The following LARGE1 variants were observed in gnomAD, a reference collection of about 807,000 sequenced individuals.
The protein encoded by LARGE1 is LARGE xylosyl- and glucuronyltransferase 1.
A neutral mutation model predicts 87.6 loss-of-function variants in LARGE1; 43 were observed. The ratio of observed to expected loss-of-function variants is 0.49; its 90% CI spans 0.38 to 0.63. The LOEUF (loss-of-function observed/expected upper bound fraction) is 0.63. Ranked by LOEUF, LARGE1 falls within the 30% of genes least tolerant of loss-of-function variation. LARGE1 has a pLI of 0.00. For synonymous variants in LARGE1, 434 were observed against 394.6 expected, an observed-to-expected ratio of 1.10 and a Z score of -1.18; for missense variants, 802 against 1,000.2, an observed-to-expected ratio of 0.80 and a Z score of 2.67.
chr22:33,517,575 T>C (rs2148483510), intron 6 of LARGE1, among the ~76,000 whole-genome samples: 1 of 151,728 alleles, frequency 6.6e-6, no homozygotes, highest in Admixed American at 6.6e-5. Flanking sequence ...GCTAATTTTG[T>C]ATTTTTAGTA....
chr22:33,167,562 C>G (rs1922339385), intron 11 of LARGE1, among the ~76,000 whole-genome samples: 1 of 152,156 alleles, frequency 6.6e-6, no homozygotes, highest in African/African-American at 2.4e-5. Flanking sequence ...TTATTCCTAA[C>G]AGGTAAGGTT....
chr22:33,242,083 CAT>C (rs1926550067), intron 11 of LARGE1, among the ~76,000 whole-genome samples: 1 of 151,980 alleles, frequency 6.6e-6, no homozygotes, highest in South Asian at 2.1e-4. Context: ...ACATTGTAAA[CAT>C]ATATCAAAAC....
At chr22:33,796,583 GA>G (rs1339166609) in intron 1 of LARGE1, among the ~76,000 whole-genome samples, 1 of 152,108 alleles carries the variant, frequency 6.6e-6, no homozygotes, top group African/African-American at 2.4e-5. Context: ...ACATGGGTCA[GA>G]AACATTATTT....
chr22:33,889,687 T>C (rs2064953907), intron 1 of LARGE1, among the ~76,000 whole-genome samples: 2 of 152,054 alleles, frequency 1.3e-5, no homozygotes, highest in Admixed American at 6.5e-5. Flanking sequence ...ATGCAAGCAA[T>C]ACTCACGGAG....
At chr22:33,849,162 AAT>A (rs1205920130) in intron 1 of LARGE1, among the ~76,000 whole-genome samples, 1 of 152,192 alleles carries the variant, frequency 6.6e-6, no homozygotes, top group Non-Finnish European at 1.5e-5. Flanking sequence ...CAGTCTCATC[AAT>A]AGTTAATGCT....
At chr22:33,296,285 G>A (rs753202606) in intron 12 of LARGE1, among the ~76,000 whole-genome samples, 1 of 152,206 alleles carries the variant, frequency 6.6e-6, no homozygotes. Context: ...TCTTGAACAC[G>A]TTACAACTTT....
At chr22:33,432,330 T>A in intron 6 of LARGE1, 65 bp from the exon 7 acceptor site, 1 of 1,212,372 alleles carries the variant, frequency 8.2e-7, no homozygotes, top group Non-Finnish European at 1.2e-6. Flanking sequence ...TCAGTGACTA[T>A]TGAAGACACA....
At chr22:33,255,900 T>A (rs957183896) in intron 11 of LARGE1, among the ~76,000 whole-genome samples, 6 of 152,220 alleles carry the variant, frequency 3.9e-5, no homozygotes, top group African/African-American at 1.2e-4. Flanking sequence ...GGGATCAAGT[T>A]CATATTTCAC....
intron 11 of LARGE1, among the ~76,000 whole-genome samples, chr22:33,313,281 T>TC (rs1935803381): frequency 6.6e-6 from 1 of 152,148 alleles, no homozygotes; most frequent in African/African-American, 2.4e-5. Flanking sequence ...CTACTCTCAG[T>TC]CCACTCAGCC....
chr22:33,328,714 A>C (rs1937458161), intron 10 of LARGE1, among the ~76,000 whole-genome samples: 1 of 152,252 alleles, frequency 6.6e-6, no homozygotes, highest in Admixed American at 6.5e-5. Context: ...AGAATTGTGG[A>C]ATAACCTGGA....
the LARGE1 span, among the ~76,000 whole-genome samples, chr22:33,125,027 G>A: frequency 1.3e-5 from 2 of 152,200 alleles, no homozygotes; most frequent in East Asian, 1.9e-4. Context: ...TAATTAAGAG[G>A]CAGTTCTACT....
At chr22:33,070,475 A>C in the LARGE1 span, among the ~76,000 whole-genome samples, 1 of 152,078 alleles carries the variant, frequency 6.6e-6, no homozygotes, top group Non-Finnish European at 1.5e-5. Context: ...GGTAGAGGCA[A>C]GTGATGCTTT....
At chr22:33,318,582 C>A (rs529359389) in intron 10 of LARGE1, among the ~76,000 whole-genome samples, 18 of 152,042 alleles carry the variant, frequency 1.2e-4, no homozygotes, top group African/African-American at 3.6e-4. Context: ...GAACATCACA[C>A]ACCGGGGCCT....
rs554013883 is a variant in LARGE1, at chr22:33,865,356, TTCATGACAGAAC to T, written c.-83+54627_-83+54638del. Among the ~76,000 whole-genome samples, 3 of 152,356 alleles carry T rather than the reference TTCATGACAGAAC, an allele frequency of 2.0e-5. No individual in the cohort carries two copies. In the East Asian group the frequency reaches 5.8e-4, roughly 29 times the overall value. ...GTAGATTTTGTTTCATCTGTTTGTT[TTCATGACAGAAC>T]ATCCTGGTAGGGAATATTGGCGTCT... On this transcript the variant is annotated intron_variant, in intron 1 of 14. Coordinates refer to ENST00000397394, the MANE Select transcript of LARGE1 (RefSeq NM_133642.5).
At chr22:33,713,264 A>C (rs2082794063) in intron 2 of LARGE1, among the ~76,000 whole-genome samples, 1 of 152,160 alleles carries the variant, frequency 6.6e-6, no homozygotes, top group South Asian at 2.1e-4. Flanking sequence ...GTTGGTTTCA[A>C]AAAAAAGTCC....
chr22:33,435,263 A>C (rs1187071222), intron 6 of LARGE1, among the ~76,000 whole-genome samples: 1 of 152,078 alleles, frequency 6.6e-6, no homozygotes, highest in Non-Finnish European at 1.5e-5. Flanking sequence ...CAGCCTCCCA[A>C]AGTGCTAGGA....
At chr22:33,105,516 G>C in the LARGE1 span, 1 of 152,126 alleles carries the variant, frequency 6.6e-6, no homozygotes, top group Non-Finnish European at 1.5e-5. Flanking sequence ...CTGAAACTGC[G>C]AGGAGCTTCC....
chr22:33,416,443 G>A (rs986598735), intron 7 of LARGE1, among the ~76,000 whole-genome samples: 1 of 152,032 alleles, frequency 6.6e-6, no homozygotes, highest in African/African-American at 2.4e-5. Context: ...TCTAGCTCTC[G>A]GAATTGTGTA....
At chr22:33,074,374 A>T in the LARGE1 span, among the ~76,000 whole-genome samples, 4 of 152,122 alleles carry the variant, frequency 2.6e-5, no homozygotes, top group Non-Finnish European at 5.9e-5. Context: ...AAAAATAAAT[A>T]TGTAAAAGTC....
Sources: gnomAD v4.1 joint callset for allele counts (sites outside exome capture counted in the v4.1 genomes callset) on GRCh38, gnomAD v4.1.1 for gene constraint, MANE v1.5 for transcripts, NCBI Gene and HGNC (gene_info 2026-07-23, HGNC 2026-07-21) for gene names.